Variants in MCPH1 observed in about 807,000 individuals in gnomAD.
MCPH1 encodes microcephalin 1, also known as microcephalin.
A neutral mutation model predicts 84.5 loss-of-function variants in MCPH1; 104 were observed. The observed-to-expected ratio is 1.23, with a 90% CI of 1.05 to 1.45. The LOEUF is 1.45. MCPH1 is among the 40% of genes most tolerant of loss of function. The pLI, the probability that MCPH1 is intolerant of heterozygous loss-of-function variation, is 0.00. For synonymous variants in MCPH1, 514 were observed against 366.8 expected (o/e 1.40, Z -4.58); for missense variants, 1,498 against 1,005.7 (o/e 1.49, Z -6.62).
intron 12 of MCPH1, among the ~76,000 whole-genome samples, chr8:6,506,359 C>G (rs1813727439): frequency 6.6e-6 from 1 of 152,148 alleles, no homozygotes; most frequent in Admixed American, 6.5e-5. Context: ...TCCACTTTCT[C>G]TCTTGGGCTG....
At chr8:6,598,622 C>A (rs527902479) in intron 12 of MCPH1, among the ~76,000 whole-genome samples, 2 of 152,358 alleles carry the variant, frequency 1.3e-5, no homozygotes, top group South Asian at 4.1e-4. Flanking sequence ...AACACCATTT[C>A]CCCCAAGCGA....
intron 13 of MCPH1, among the ~76,000 whole-genome samples, chr8:6,633,955 T>C (rs1797351260): frequency 6.6e-6 from 1 of 152,162 alleles, no homozygotes; most frequent in Admixed American, 6.5e-5. Context: ...TGAACAGCAG[T>C]ATAAGTGTGA....
intron 9 of MCPH1, among the ~76,000 whole-genome samples, chr8:6,458,858 C>G (rs1033494251): frequency 6.6e-6 from 1 of 152,162 alleles, no homozygotes; most frequent in East Asian, 1.9e-4. Flanking sequence ...GTTGACCAGG[C>G]TGGTCTCGAA....
intron 10 of MCPH1, among the ~76,000 whole-genome samples, chr8:6,480,436 T>C (rs562017257): frequency 5.3e-5 from 8 of 152,342 alleles, no homozygotes; most frequent in African/African-American, 1.9e-4. Flanking sequence ...TGGTTTCTGA[T>C]GCTGGCTCTG....
chr8:6,455,184 T>A lies in MCPH1; in HGVS notation c.1867T>A (p.Ser623Thr). The change falls in exon 9 of 14, where the codon TCA (serine) becomes ACA (threonine). Residue 623 changes from serine (S) to threonine (T), a missense_variant. By Grantham distance (58) the Ser-to-Thr change is moderately conservative (BLOSUM62 1). Coordinates refer to ENST00000344683, the MANE Select transcript of MCPH1 (RefSeq NM_024596.5). ...AACAAGGCATGATGTTTTAGATGAC[T>A]CATGTGACGGCTTTAAGGACCTCAT... is the stretch of plus-strand genomic sequence containing the variant. Reference protein sequence around the residue: ...RPTRHDVLDDSCDGFKDLIKP... With the variant: ...RPTRHDVLDDTCDGFKDLIKP... 6.2e-7 allele frequency: 1 copy of A among 1,614,094 alleles called. No homozygotes were observed. The highest frequency in any genetic ancestry group is 8.5e-7 in the Non-Finnish European group (1 of 1,179,976).
At chr8:6,471,818 C>G (rs977572693) in intron 9 of MCPH1, among the ~76,000 whole-genome samples, 2 of 152,228 alleles carry the variant, frequency 1.3e-5, no homozygotes, top group South Asian at 2.1e-4. Flanking sequence ...ACACAGCCCC[C>G]TCTTGGTCGA....
intron 12 of MCPH1, among the ~76,000 whole-genome samples, chr8:6,510,618 G>T (rs140252456): frequency 3.8e-4 from 58 of 152,300 alleles, no homozygotes; most frequent in East Asian, 1.5e-3. Context: ...AGTCACTGAG[G>T]TTCAGAGATA....
intron 12 of MCPH1, among the ~76,000 whole-genome samples, chr8:6,582,147 G>A (rs1041542856): frequency 3.9e-5 from 6 of 152,256 alleles, no homozygotes; most frequent in Admixed American, 3.9e-4. Flanking sequence ...TGGGAACAGG[G>A]GTCTCAAGCT....
intron 2 of MCPH1, among the ~76,000 whole-genome samples, chr8:6,411,436 A>T (rs960682454): frequency 6.6e-6 from 1 of 152,246 alleles, no homozygotes; most frequent in African/African-American, 2.4e-5. Flanking sequence ...TTTCAGCCGT[A>T]AAGTGCAAGA....
intron 12 of MCPH1, among the ~76,000 whole-genome samples, chr8:6,542,314 C>CTG (rs373716411): frequency 2.8e-4 from 42 of 150,674 alleles, no homozygotes; most frequent in Admixed American, 1.3e-3. Context: ...GTGTGTGTAT[C>CTG]TGTGTGTGTG....
rs1460705863 is a variant in MCPH1 at position 6,434,878 on chromosome 8, G to A, written c.322-1170G>A. Among the ~76,000 whole-genome samples, 5 of 152,310 alleles carry A rather than the reference G, an allele frequency of 3.3e-5. No homozygotes were observed. In the South Asian group the frequency reaches 1.0e-3, roughly 32 times the overall value. On this transcript the variant is annotated intron_variant, in intron 4 of 13. Coordinates refer to ENST00000344683, the MANE Select transcript of MCPH1 (RefSeq NM_024596.5). ...TATAAGAAAGAAGTCAGGCATAAAA[G>A]TGTTATAGGTAAAATCGATGTGAAG...
intron 12 of MCPH1, among the ~76,000 whole-genome samples, chr8:6,504,085 G>A (rs112503526): frequency 0.07 from 10,542 of 151,596 alleles, 489 homozygotes; most frequent in African/African-American, 0.13. Context: ...TTGGGAGGCC[G>A]AGGTGGGTGG....
At chr8:6,548,407 G>GA (rs1408811236) in intron 12 of MCPH1, among the ~76,000 whole-genome samples, 3 of 152,162 alleles carry the variant, frequency 2.0e-5, no homozygotes, top group African/African-American at 7.2e-5. Flanking sequence ...TGATAACTCA[G>GA]AATTAGGATT....
chr8:6,478,024 G>A (rs1042577606), intron 10 of MCPH1, among the ~76,000 whole-genome samples: 2 of 152,156 alleles, frequency 1.3e-5, no homozygotes, highest in South Asian at 4.1e-4. Flanking sequence ...TTTGTGGAAG[G>A]GTTAATAGCT....
At chr8:6,586,491 A>G (rs370388841) in intron 12 of MCPH1, among the ~76,000 whole-genome samples, 4 of 152,294 alleles carry the variant, frequency 2.6e-5, no homozygotes, top group South Asian at 4.1e-4. Flanking sequence ...TACAGCCTCC[A>G]TGCAGTGCGT....
chr8:6,473,829 C>A (rs759198379), intron 9 of MCPH1: 6 of 1,347,166 alleles, frequency 4.5e-6, no homozygotes, highest in Non-Finnish European at 5.9e-6. Context: ...TGTAAAGTAG[C>A]TAGCCTTATA....
At chr8:6,603,203 GC>G (rs1829504662) in intron 12 of MCPH1, among the ~76,000 whole-genome samples, 1 of 152,110 alleles carries the variant, frequency 6.6e-6, no homozygotes, top group Non-Finnish European at 1.5e-5. Flanking sequence ...AGGTCTTGGG[GC>G]TCATAGGAAT....
intron 12 of MCPH1, among the ~76,000 whole-genome samples, chr8:6,567,787 C>G (rs2129576291): frequency 6.6e-6 from 1 of 152,256 alleles, no homozygotes; most frequent in Non-Finnish European, 1.5e-5. Flanking sequence ...CTAGGGGGAT[C>G]TCAGAACTCC....
chr8:6,559,574 A>G (rs561032714), intron 12 of MCPH1, among the ~76,000 whole-genome samples: 25 of 152,332 alleles, frequency 1.6e-4, no homozygotes, highest in Non-Finnish European at 3.4e-4. Context: ...TTATTTTTCA[A>G]ATCATTCTGT....
Sources: allele counts gnomAD v4.1 joint callset (sites outside exome capture counted in the v4.1 genomes callset), GRCh38; gene constraint gnomAD v4.1.1; transcripts MANE v1.5; gene names NCBI Gene and HGNC (gene_info 2026-07-23, HGNC 2026-07-21).